Variants in PROC observed in about 807,000 individuals in gnomAD.
PROC encodes the protein vitamin K-dependent protein C.
A neutral mutation model predicts 36.3 loss-of-function variants in PROC; 22 were observed. The ratio of observed to expected loss-of-function variants is 0.61; its 90% CI spans 0.43 to 0.86. The LOEUF (loss-of-function observed/expected upper bound fraction) is 0.86. Ranked by LOEUF, PROC falls within the 40% of genes least tolerant of loss-of-function variation. The probability of loss-of-function intolerance (pLI) is 0.00; values close to 1 mark genes in which losing one functional copy is unlikely to be tolerated. For missense variants in PROC, 526 were observed against 629.7 expected, an observed-to-expected ratio of 0.84 and a Z score of 1.76; for synonymous variants, 218 against 244.5, an observed-to-expected ratio of 0.89 and a Z score of 1.01.
chr2:127,429,099 C>A lies in PROC; in HGVS notation c.*153C>A. On this transcript the variant is annotated 3_prime_UTR_variant, in exon 9 of 9. Transcript: ENST00000234071. ...CATTTACTGAGCACCTGTTGTATGT[C>A]ACATGCCTTATGAATAGAATCTTAA... is the stretch of plus-strand genomic sequence containing the variant. 1 of 822,460 alleles carries A rather than the reference C, an allele frequency of 1.2e-6. No individual in the cohort carries two copies. Among genetic ancestry groups the A allele is most frequent in the Non-Finnish European group, 1.9e-6 (1 of 516,276 alleles). 50.9% of individuals were successfully genotyped at this position (822,460 alleles called of 1,614,324 possible). A position where few individuals can be genotyped will look rare whatever the true frequency, so the allele number is the denominator to read the frequency against.
Position 127,428,792 on chromosome 2 carries a change from A to G in PROC, c.1232A>G (p.His411Arg), listed in dbSNP as rs1688703584. 6.2e-7 allele frequency: 1 copy of G among 1,612,130 alleles called. No homozygotes were observed. Among genetic ancestry groups the G allele is most frequent in the South Asian group, 1.1e-5 (1 of 91,070 alleles). ...DSGGPMVASF[H>R]GTWFLVGLVS... The stretch of plus-strand genomic sequence containing the variant: ...GGGGGGCCCATGGTCGCCTCCTTCC[A>G]CGGCACCTGGTTCCTGGTGGGCCTG... The change falls in exon 9 of 9, where the codon CAC (histidine) becomes CGC (arginine). Residue 411 changes from histidine to arginine, a missense_variant. By Grantham distance (29) the His-to-Arg change is conservative (BLOSUM62 0). Transcript: ENST00000234071.
Position 127,426,992 on chromosome 2 carries a change from G to A in PROC, c.679-113G>A, listed in dbSNP as rs560238059. 1.1e-6 allele frequency: 1 copy of A among 914,516 alleles called. No individual in the cohort carries two copies. The highest frequency in any genetic ancestry group is 1.7e-5 in the Admixed American group (1 of 58,994). 56.7% of individuals were successfully genotyped at this position (914,516 alleles called of 1,614,324 possible). ...ATAGAAAACGCCAGAAAGGGCCTAA[G>A]CCTATGCCCATATGACCAGGGAACC... On this transcript the variant is annotated intron_variant, in intron 7 of 8. Transcript: ENST00000234071. This position sits in a 1 kb window ranked among gnomAD's most constrained non-coding sequence, Gnocchi z 7.0.
chr2:127,423,209 G>C (rs2104953733), intron 5 of PROC, 38 bp downstream of exon 5: 1 of 1,517,298 alleles, frequency 6.6e-7, no homozygotes, highest in East Asian at 2.5e-5. Context: ...GCGGCGGGGC[G>C]GGGCTGGGGC....
At chr2:127,419,850 G>A (rs539608065) in intron 1 of PROC, 72 bp from the exon 2 acceptor site, 28 of 1,610,050 alleles carry the variant, frequency 1.7e-5, no homozygotes, top group African/African-American at 8.0e-5. Context: ...CTTTCATTCC[G>A]CTTCCACCTG....
In PROC at chr2:127,423,378, G is replaced by T. The variant is rs989908811; in HGVS notation, c.505G>T (p.Gly169Trp). 51 of 1,550,526 alleles carry T rather than the reference G, an allele frequency of 3.3e-5. No homozygotes were observed. Among genetic ancestry groups the T allele is most frequent in the Non-Finnish European group, 4.3e-5 (49 of 1,147,324 alleles). ...RCSCAPGYKL[G>W]DDLLQCHPAV... The stretch of plus-strand genomic sequence containing the variant: ...TAGCTGTGCGCCTGGCTACAAGCTG[G>T]GGGACGACCTCCTGCAGTGTCACCC... Residue 169 changes from glycine to tryptophan, a missense_variant, in exon 6 of 9, where the codon GGG becomes TGG. Gly to Trp is a radical substitution (Grantham distance 184). Transcript: ENST00000234071.
chr2:127,421,098 TC>T (rs1196311636), intron 2 of PROC, among the ~76,000 whole-genome samples, 184 bp from the exon 3 acceptor site: 5 of 152,118 alleles, frequency 3.3e-5, no homozygotes, highest in Non-Finnish European at 7.4e-5. Context: ...GCCATCTGCT[TC>T]CTGGGGAGGA....
At chr2:127,423,674 G>C (rs1420137543) in intron 6 of PROC, 1 of 501,772 alleles carries the variant, frequency 2.0e-6, no homozygotes, top group Non-Finnish European at 3.4e-6. Flanking sequence ...TGCGCACCTG[G>C]GGCCACCTCC....
chr2:127,424,875 C>T lies in PROC; in HGVS notation c.536-1210C>T, dbSNP rs374399972. Among the ~76,000 whole-genome samples the T allele has an allele frequency of 1.4e-4, 22 of 152,260 alleles. No individual in the cohort carries two copies. In the East Asian group the frequency reaches 3.7e-3, roughly 25 times the overall value. On this transcript the variant is annotated intron_variant, in intron 6 of 8. Transcript: ENST00000234071. ...TAGGCTGCTTTCTAAGAGGACTCCT[C>T]CAAGCTCTTGGAGGATGGAAGACGC...
chr2:127,423,055 T>C lies in PROC; in HGVS notation c.284T>C (p.Leu95Ser). The change falls in exon 5 of 9, where the codon TTG becomes TCG. Residue 95 changes from leucine (L) to serine (S), a missense_variant. Transcript: ENST00000234071. ...KHVDGDQCLV[L>S]PLEHPCASLC... Reference sequence around the variant, plus strand: ...GCAGACGGTGACCAGTGCTTGGTCTTGCCCTTGGAGCACCCGTGCGCCAGC... The same window carrying C: ...GCAGACGGTGACCAGTGCTTGGTCTCGCCCTTGGAGCACCCGTGCGCCAGC... The C allele has an allele frequency of 6.2e-7, 1 of 1,612,350 alleles. No homozygotes were observed. The highest frequency in any genetic ancestry group is 8.5e-7 in the Non-Finnish European group (1 of 1,179,684).
rs552714462 is a variant in PROC at position 127,421,302 on chromosome 2, C to T, written c.90C>T (p.Ser30=). ...PAPLDSVFSS[S]ERAHQVLRIR... Reference sequence around the variant, plus strand: ...AACCAGACTCAGTGTTCTCCAGCAGCGAGCGTGCCCACCAGGTGCTGCGGA... The same window carrying T: ...AACCAGACTCAGTGTTCTCCAGCAGTGAGCGTGCCCACCAGGTGCTGCGGA... Residue 30 remains serine, a synonymous_variant, in exon 3 of 9, where the codon AGC becomes AGT. Coordinates refer to ENST00000234071, the MANE Select transcript of PROC (RefSeq NM_000312.4). 33 of 1,613,822 alleles carry T rather than the reference C, an allele frequency of 2.0e-5. No homozygotes were observed. In the Admixed American group the frequency reaches 2.5e-4, roughly 12 times the overall value.
chr2:127,422,886 A>C (rs778741346), intron 3 of PROC, 31 bp from the exon 4 acceptor site: 57 of 1,550,782 alleles, frequency 3.7e-5, no homozygotes, highest in Non-Finnish European at 4.8e-5. Flanking sequence ...CACCGGCTGC[A>C]GGAGCCTGAC....
At chr2:127,424,018 GTGGAAA>G (rs1688315416) in intron 6 of PROC, among the ~76,000 whole-genome samples, 1 of 152,106 alleles carries the variant, frequency 6.6e-6, no homozygotes, top group African/African-American at 2.4e-5. Flanking sequence ...CCCTTTTAAT[GTGGAAA>G]TTCCTATCTT....
chr2:127,423,216 G>A (rs1688235835), intron 5 of PROC, 45 bp downstream of exon 5: 2 of 1,521,008 alleles, frequency 1.3e-6, no homozygotes, highest in Non-Finnish European at 1.8e-6. Flanking sequence ...GGCGGGGCTG[G>A]GGCCGGGTTG....
chr2:127,419,793 C>A, intron 1 of PROC, 129 bp from the exon 2 acceptor site: 1 of 1,543,448 alleles, frequency 6.5e-7, no homozygotes, highest in Non-Finnish European at 8.7e-7. Flanking sequence ...CGAACAAGGA[C>A]CCTCAATCCC....
At chr2:127,419,413 A>G (rs551588665) in intron 1 of PROC, among the ~76,000 whole-genome samples, 1 of 152,288 alleles carries the variant, frequency 6.6e-6, no homozygotes, top group South Asian at 2.1e-4. Context: ...TAAGGCACAG[A>G]TACACCACGT....
chr2:127,423,266 G>T lies in PROC; in HGVS notation c.401-8G>T. 1 of 1,545,342 alleles carries T rather than the reference G, an allele frequency of 6.5e-7. No individual in the cohort carries two copies. Among genetic ancestry groups the T allele is most frequent in the Non-Finnish European group, 8.7e-7 (1 of 1,145,148 alleles). ...GCACCAGCTGCCCGCGCCCTCCCCT[G>T]CCCGCAGAGGTGAGCTTCCTCAATT... On this transcript the variant is annotated splice_polypyrimidine_tract_variant and splice_region_variant and intron_variant, in intron 5 of 8. Transcript: ENST00000234071.
intron 3 of PROC, among the ~76,000 whole-genome samples, 175 bp from the exon 4 acceptor site, chr2:127,422,742 C>T: frequency 1.1e-5 from 1 of 90,354 alleles, no homozygotes; most frequent in South Asian, 3.4e-4. Flanking sequence ...CGCTGGAGGG[C>T]GGGGGAGGGG....
In PROC at chr2:127,426,040, G is replaced by C. The variant is rs200336197; in HGVS notation, c.536-45G>C. ...AGGACCAAGACAGGAGGGCAGTCTC[G>C]GGAGGAGTGCCTGGCAGGCCCCTCA... On this transcript the variant is annotated intron_variant, in intron 6 of 8. Transcript: ENST00000234071. This position sits in a 1 kb window ranked among gnomAD's most constrained non-coding sequence, Gnocchi z 7.0. 3 of 1,613,202 alleles carry C rather than the reference G, an allele frequency of 1.9e-6. No individual in the cohort carries two copies. The highest frequency in any genetic ancestry group is 2.7e-5 in the African/African-American group (2 of 75,040).
In PROC at chr2:127,428,663, T is replaced by C. The variant is rs1281489645; in HGVS notation, c.1103T>C (p.Val368Ala). ...CTCAACTTCATCAAGATTCCCGTGG[T>C]CCCGCACAATGAGTGCAGCGAGGTC... ...FVLNFIKIPV[V>A]PHNECSEVMS... The change falls in exon 9 of 9, where the codon GTC (valine) becomes GCC (alanine). Residue 368 changes from valine (V) to alanine (A), a missense_variant. By Grantham distance (64) the Val-to-Ala change is moderately conservative. Coordinates refer to ENST00000234071, the MANE Select transcript of PROC (RefSeq NM_000312.4). 6.2e-7 allele frequency: 1 copy of C among 1,613,990 alleles called. No individual in the cohort carries two copies. Among genetic ancestry groups the C allele is most frequent in the South Asian group, 1.1e-5 (1 of 91,084 alleles).
Sources: gnomAD v4.1 joint callset for allele counts (sites outside exome capture counted in the v4.1 genomes callset) on GRCh38, gnomAD v4.1.1 for gene constraint, Gnocchi (gnomAD v3.1) non-coding constraint, MANE v1.5 for transcripts, NCBI Gene and HGNC (gene_info 2026-07-23, HGNC 2026-07-21) for gene names.